The following PARD3 variants were observed in gnomAD, a reference collection of about 807,000 sequenced individuals.
The protein encoded by PARD3 is partitioning defective 3 homolog.
In PARD3, 75 loss-of-function variants were observed where a neutral mutation model predicts 155.4. The ratio of observed to expected loss-of-function variants is 0.48; its 90% CI spans 0.40 to 0.58. The LOEUF (loss-of-function observed/expected upper bound fraction) is 0.58, where lower values mean the gene tolerates loss of function less well. Ranked by LOEUF, PARD3 falls within the 20% of genes least tolerant of loss-of-function variation. The probability of loss-of-function intolerance (pLI) is 0.00; values close to 1 mark genes in which losing one functional copy is unlikely to be tolerated. For synonymous variants in PARD3, 576 were observed against 610.5 expected, an observed-to-expected ratio of 0.94 and a Z score of 0.83; for missense variants, 1,642 against 1,721.7, an observed-to-expected ratio of 0.95 and a Z score of 0.82.
intron 1 of PARD3, among the ~76,000 whole-genome samples, chr10:34,800,826 C>A (rs1215477082): frequency 6.6e-6 from 1 of 152,094 alleles, no homozygotes; most frequent in Non-Finnish European, 1.5e-5. Context: ...ACCTCTTATG[C>A]AAGAGCTTTC....
At chr10:34,380,668 A>G (rs1841731890) in intron 9 of PARD3, among the ~76,000 whole-genome samples, 1 of 152,046 alleles carries the variant, frequency 6.6e-6, no homozygotes, top group Non-Finnish European at 1.5e-5. Context: ...GGTACTTTTA[A>G]TGGCAAATCA....
At chr10:34,509,467 G>A (rs1370975170) in intron 3 of PARD3, among the ~76,000 whole-genome samples, 1 of 152,138 alleles carries the variant, frequency 6.6e-6, no homozygotes, top group Non-Finnish European at 1.5e-5. Flanking sequence ...GCCCAGGATA[G>A]TGTTTTATTT....
rs3039232 is a variant in PARD3, at chr10:34,155,668, ATGTGTGTGTGTGTGTGTG to A, written c.3420-24103_3420-24086del. Among the ~76,000 whole-genome samples the A allele has an allele frequency of 2.7e-3, 385 of 140,426 alleles. 1 individual carries two copies. Among genetic ancestry groups the A allele is most frequent in the Non-Finnish European group, 4.2e-3 (275 of 65,014 alleles). 92.1% of individuals were successfully genotyped at this position (140,426 alleles called of 152,430 possible). A position where few individuals can be genotyped will look rare whatever the true frequency, so the allele number is the denominator to read the frequency against. The stretch of plus-strand genomic sequence containing the variant: ...TTCAGAAACCACAAGCCCTCTAAAA[ATGTGTGTGTGTGTGTGTG>A]TGTGTGTGTGTGTGTGTGTGTAGCA... On this transcript the variant is annotated intron_variant, in intron 22 of 24. Coordinates refer to ENST00000374788, the MANE Select transcript of PARD3 (RefSeq NM_001184785.2).
chr10:34,683,714 C>A (rs1009012496), intron 2 of PARD3, among the ~76,000 whole-genome samples: 1 of 151,984 alleles, frequency 6.6e-6, no homozygotes, highest in African/African-American at 2.4e-5. Context: ...AGGCCCAGCC[C>A]ATCCTGTGCA....
At chr10:34,611,796 T>C (rs2090909251) in intron 2 of PARD3, among the ~76,000 whole-genome samples, 1 of 149,380 alleles carries the variant, frequency 6.7e-6, no homozygotes, top group Non-Finnish European at 1.5e-5. Flanking sequence ...ATAAATGTGA[T>C]ACATTTCTTT....
rs138621685 is a variant in PARD3, at chr10:34,331,180, C to T, written c.2770G>A (p.Ala924Thr). 10 of 1,613,962 alleles carry T rather than the reference C, an allele frequency of 6.2e-6. No individual in the cohort carries two copies. The highest frequency in any genetic ancestry group is 1.6e-4 in the Middle Eastern group (1 of 6,082). ...RGRGCNESFR[A>T]AIDKSYDKPA... The stretch of plus-strand genomic sequence containing the variant: ...TTATCATAAGATTTGTCGATGGCAG[C>T]TCTGAAGCTCTCATTGCATCCCCTG... The change falls in exon 19 of 25, where the codon GCT (alanine) becomes ACT (threonine). Residue 924 changes from alanine to threonine, a missense_variant. Ala to Thr is a moderately conservative substitution (Grantham distance 58). Coordinates refer to ENST00000374788, the MANE Select transcript of PARD3 (RefSeq NM_001184785.2).
At chr10:34,683,661 C>T (rs1194632325) in intron 2 of PARD3, among the ~76,000 whole-genome samples, 2 of 151,764 alleles carry the variant, frequency 1.3e-5, no homozygotes, top group African/African-American at 4.8e-5. Flanking sequence ...CACTGGGTGG[C>T]CCCAGATAAG....
intron 21 of PARD3, among the ~76,000 whole-genome samples, chr10:34,273,871 TTTC>T (rs1955751898): frequency 1.3e-5 from 2 of 152,114 alleles, no homozygotes; most frequent in African/African-American, 2.4e-5. Flanking sequence ...CTGTCTGACT[TTTC>T]TTCTCTCCCA....
chr10:34,500,630 T>C (rs544078255), intron 3 of PARD3, among the ~76,000 whole-genome samples: 1 of 151,998 alleles, frequency 6.6e-6, no homozygotes, highest in Non-Finnish European at 1.5e-5. Flanking sequence ...AATCCTAGCT[T>C]ACTCAGGAGG....
intron 3 of PARD3, among the ~76,000 whole-genome samples, chr10:34,482,448 G>A (rs1337738642): frequency 6.6e-6 from 1 of 151,986 alleles, no homozygotes; most frequent in African/African-American, 2.4e-5. Context: ...TGGGATTACA[G>A]GTGTGAGCCC....
At chr10:34,586,839 C>A (rs1353701813) in intron 2 of PARD3, among the ~76,000 whole-genome samples, 1 of 152,112 alleles carries the variant, frequency 6.6e-6, no homozygotes, top group African/African-American at 2.4e-5. Context: ...ATCCCAGCTA[C>A]TCAGGAGGCT....
At chr10:34,642,076 C>T (rs2092695763) in intron 2 of PARD3, among the ~76,000 whole-genome samples, 1 of 152,046 alleles carries the variant, frequency 6.6e-6, no homozygotes. Flanking sequence ...ATCCACTCAC[C>T]TGGGGCCCCT....
chr10:34,368,305 C>T (rs1028044375), intron 12 of PARD3, among the ~76,000 whole-genome samples: 9 of 152,186 alleles, frequency 5.9e-5, no homozygotes, highest in East Asian at 5.8e-4. Context: ...ACACTAGTTC[C>T]GGTTAGGGTA....
chr10:34,306,762 G>C (rs988926782), intron 20 of PARD3, among the ~76,000 whole-genome samples: 1 of 152,234 alleles, frequency 6.6e-6, no homozygotes, highest in Admixed American at 6.5e-5. Context: ...CAAAGGCAGA[G>C]ACGGCAGTGA....
At chr10:34,266,354 G>A (rs867970062) in intron 22 of PARD3, among the ~76,000 whole-genome samples, 1 of 152,264 alleles carries the variant, frequency 6.6e-6, no homozygotes. Context: ...TCCTGTTAAA[G>A]GCAGATGAAG....
chr10:34,287,836 C>T (rs1956474840), intron 20 of PARD3, among the ~76,000 whole-genome samples: 1 of 152,120 alleles, frequency 6.6e-6, no homozygotes, highest in Admixed American at 6.5e-5. Context: ...AATTAGTTTC[C>T]TAGACCACCC....
At chr10:34,575,000 C>G (rs993371602) in intron 2 of PARD3, among the ~76,000 whole-genome samples, 2 of 152,092 alleles carry the variant, frequency 1.3e-5, no homozygotes, top group African/African-American at 2.4e-5. Context: ...CTCCCCTGCT[C>G]CCCCCTTAAA....
At position 34,376,027 on chromosome 10, in the gene PARD3, A is replaced by G. The variant is rs143494221; in HGVS notation, c.1540-1025T>C. On this transcript the variant is annotated intron_variant, in intron 10 of 24. Transcript: ENST00000374788. ...CGGCCTTTTCAGGAAGCAGAACCCT[A>G]AACATAATTTGTACTCAAACAAAAG... Among the ~76,000 whole-genome samples, 1,121 of 152,224 alleles carry G rather than the reference A, an allele frequency of 7.4e-3. 12 individuals are homozygous for G. The highest frequency in any genetic ancestry group is 0.025 in the African/African-American group (1,023 of 41,544).
chr10:34,679,360 C>T (rs1030664623), intron 2 of PARD3, among the ~76,000 whole-genome samples: 6 of 152,132 alleles, frequency 3.9e-5, no homozygotes, highest in Admixed American at 2.0e-4. Context: ...TGTAGCAAAA[C>T]ACCCTGGAGT....
Sources: allele counts gnomAD v4.1 joint callset (sites outside exome capture counted in the v4.1 genomes callset), GRCh38; gene constraint gnomAD v4.1.1; transcripts MANE v1.5; gene names NCBI Gene and HGNC (gene_info 2026-07-23, HGNC 2026-07-21).